The following PSD3 variants were observed in gnomAD, a reference collection of about 807,000 sequenced individuals.
PSD3 encodes pleckstrin and Sec7 domain containing 3.
In PSD3, 49 loss-of-function variants were observed where a neutral mutation model predicts 105.5. The ratio of observed to expected loss-of-function variants is 0.46; its 90% CI spans 0.37 to 0.59. The LOEUF (loss-of-function observed/expected upper bound fraction) is 0.59. Among genes scored for constraint, PSD3 ranks in the 20% least tolerant of loss-of-function variants. The pLI is 0.00. For missense variants in PSD3, 1,561 were observed against 1,263.8 expected (o/e 1.24, Z -3.57); for synonymous variants, 557 against 457.8 (o/e 1.22, Z -2.77).
intron 9 of PSD3, among the ~76,000 whole-genome samples, chr8:18,727,690 T>A (rs1803437771): frequency 6.6e-6 from 1 of 152,110 alleles, no homozygotes. Flanking sequence ...GGCAGTCCTG[T>A]CTAAGCTGGA....
intron 9 of PSD3, among the ~76,000 whole-genome samples, chr8:18,729,682 A>C (rs1803588640): frequency 6.6e-6 from 1 of 152,190 alleles, no homozygotes; most frequent in African/African-American, 2.4e-5. Flanking sequence ...TTACCTTCAA[A>C]AACTCTTCTT....
intron 1 of PSD3, among the ~76,000 whole-genome samples, chr8:19,049,097 T>C (rs1828425309): frequency 6.6e-6 from 1 of 152,114 alleles, no homozygotes. Context: ...CCTATCTAAT[T>C]TTACCTAATG....
At chr8:18,781,228 A>T (rs1808593834) in intron 8 of PSD3, among the ~76,000 whole-genome samples, 2 of 152,194 alleles carry the variant, frequency 1.3e-5, no homozygotes, top group Admixed American at 1.3e-4. Flanking sequence ...CATAAATCCC[A>T]TTCCTAGGTC....
At chr8:18,757,400 G>T (rs1806142447) in intron 9 of PSD3, among the ~76,000 whole-genome samples, 1 of 152,154 alleles carries the variant, frequency 6.6e-6, no homozygotes, top group Admixed American at 6.5e-5. Flanking sequence ...GGAGGCGGAG[G>T]TTGCAGTGAG....
At chr8:18,793,083 C>A (rs1809874593) in intron 8 of PSD3, among the ~76,000 whole-genome samples, 1 of 152,094 alleles carries the variant, frequency 6.6e-6, no homozygotes, top group South Asian at 2.1e-4. Flanking sequence ...GGACAGAAAA[C>A]CAAACACCGC....
Position 18,535,458 on chromosome 8 carries a change from G to GA in PSD3, c.*284dup, listed in dbSNP as rs1389066422. On this transcript the variant is annotated 3_prime_UTR_variant, in exon 16 of 16. Transcript: ENST00000327040. Reference sequence around the variant, plus strand: ...ACAACTGAGCAGACTGCAAACAAGAGAAAACCAAAAGAGAAGGGATACATA... The same window carrying GA: ...ACAACTGAGCAGACTGCAAACAAGAGAAAAACCAAAAGAGAAGGGATACATA... 53 of 403,364 alleles carry GA rather than the reference G, an allele frequency of 1.3e-4. 1 individual carries two copies. The East Asian group carries it at 2.2e-3, about 17-fold the overall frequency. The allele number at this position is 403,364 out of a possible 1,614,324, so 25.0% of individuals were successfully genotyped here. A position where few individuals can be genotyped will look rare whatever the true frequency, so the allele number is the denominator to read the frequency against.
chr8:18,793,597 C>A (rs1421288924), intron 8 of PSD3, among the ~76,000 whole-genome samples: 1 of 152,146 alleles, frequency 6.6e-6, no homozygotes, highest in Non-Finnish European at 1.5e-5. Context: ...AAGGAGAAGG[C>A]AGTGCTAGCA....
intron 1 of PSD3, among the ~76,000 whole-genome samples, chr8:19,029,878 C>G (rs1827698122): frequency 6.6e-6 from 1 of 152,266 alleles, no homozygotes; most frequent in African/African-American, 2.4e-5. Flanking sequence ...GCTAAACTCA[C>G]TTATTAGTTC....
chr8:18,851,799 C>A (rs1041715691), intron 4 of PSD3, among the ~76,000 whole-genome samples: 4 of 152,262 alleles, frequency 2.6e-5, no homozygotes, highest in Non-Finnish European at 5.9e-5. Flanking sequence ...AAGAGCTACA[C>A]AGATTCTGCC....
chr8:18,786,720 G>A (rs1809196363), intron 8 of PSD3: 5 of 152,180 alleles, frequency 3.3e-5, no homozygotes, highest in South Asian at 2.1e-4. Flanking sequence ...CTGGTTCAGA[G>A]AATAAAGATA....
Position 18,535,720 on chromosome 8 carries a change from C to G in PSD3, c.*23G>C. 6.4e-7 allele frequency: 1 copy of G among 1,564,364 alleles called. No homozygotes were observed. The highest frequency in any genetic ancestry group is 1.1e-5 in the South Asian group (1 of 90,150). On this transcript the variant is annotated 3_prime_UTR_variant, in exon 16 of 16. Coordinates refer to ENST00000327040, the MANE Select transcript of PSD3 (RefSeq NM_015310.4). ...AAACCCTATTTTGCTCCATGACCAG[C>G]ACTTCCTGGCCGCAGATGGACTCTA...
chr8:18,740,623 T>C (rs939718096), intron 9 of PSD3, among the ~76,000 whole-genome samples: 12 of 152,182 alleles, frequency 7.9e-5, no homozygotes, highest in African/African-American at 2.9e-4. Flanking sequence ...TATCAGACTA[T>C]CTAGAAAATC....
intron 9 of PSD3, among the ~76,000 whole-genome samples, chr8:18,748,095 C>G (rs1177609599): frequency 6.6e-6 from 1 of 152,120 alleles, no homozygotes; most frequent in African/African-American, 2.4e-5. Context: ...CCCTTTTAAT[C>G]CTATTTCTCA....
chr8:18,736,510 G>C (rs751192971), intron 9 of PSD3, among the ~76,000 whole-genome samples: 1 of 152,136 alleles, frequency 6.6e-6, no homozygotes, highest in Non-Finnish European at 1.5e-5. Context: ...ACTAAAACTA[G>C]AGTCTATTTA....
intron 9 of PSD3, among the ~76,000 whole-genome samples, chr8:18,659,375 C>A (rs1182624466): frequency 6.6e-6 from 1 of 152,198 alleles, no homozygotes. Context: ...AGGGAAGAAC[C>A]AACAAAATGG....
chr8:18,566,035 A>G (rs962225327), intron 14 of PSD3, among the ~76,000 whole-genome samples: 1 of 152,090 alleles, frequency 6.6e-6, no homozygotes, highest in African/African-American at 2.4e-5. Context: ...GAGGTACTGG[A>G]GGAATCCTAG....
intron 4 of PSD3, among the ~76,000 whole-genome samples, chr8:18,866,893 TACACACAC>T (rs34045400): frequency 1.4e-5 from 2 of 146,766 alleles, no homozygotes; most frequent in Admixed American, 6.8e-5. Flanking sequence ...CATACATACA[TACACACAC>T]ACACACACAC....
chr8:18,970,979 A>C (rs75394675), intron 1 of PSD3, among the ~76,000 whole-genome samples: 2 of 143,650 alleles, frequency 1.4e-5, no homozygotes, highest in African/African-American at 2.7e-5. Flanking sequence ...ACTCTGTCTC[A>C]AGAAAAAAAA....
chr8:18,774,522 A>G (rs892264764), intron 8 of PSD3: 1 of 238,706 alleles, frequency 4.2e-6, no homozygotes. Flanking sequence ...TTTTTCCTCC[A>G]GTTTGAATTT....
Sources: allele counts gnomAD v4.1 joint callset (sites outside exome capture counted in the v4.1 genomes callset), GRCh38; gene constraint gnomAD v4.1.1; transcripts MANE v1.5; gene names NCBI Gene and HGNC (gene_info 2026-07-23, HGNC 2026-07-21).